The following TEAD1 variants were observed in gnomAD, a reference collection of about 807,000 sequenced individuals.
TEAD1 encodes transcriptional enhancer factor TEF-1.
In TEAD1, 9 loss-of-function variants were observed where a neutral mutation model predicts 54.9. That is an observed-to-expected ratio of 0.16 (90% CI 0.10 to 0.29). TEAD1 has a LOEUF of 0.29. Among genes scored for constraint, TEAD1 ranks in the 10% least tolerant of loss-of-function variants. The pLI is 1.00. For missense variants in TEAD1, 387 were observed against 535.9 expected, an observed-to-expected ratio of 0.72 and a Z score of 2.74; for synonymous variants, 200 against 187.8, an observed-to-expected ratio of 1.07 and a Z score of -0.53.
intron 3 of TEAD1, among the ~76,000 whole-genome samples, chr11:12,810,126 G>A (rs922584355): frequency 5.3e-5 from 8 of 151,782 alleles, no homozygotes; most frequent in African/African-American, 1.7e-4. Flanking sequence ...GACTATAGGC[G>A]CACACCACCA....
chr11:12,925,157 T>C (rs1948883667), intron 11 of TEAD1, 105 bp downstream of exon 11: 1 of 1,312,100 alleles, frequency 7.6e-7, no homozygotes, highest in Admixed American at 1.8e-5. Context: ...GTCTGCTTCT[T>C]ACCTTCTGTA....
intron 2 of TEAD1, among the ~76,000 whole-genome samples, chr11:12,677,615 C>T (rs1943124824): frequency 6.6e-6 from 1 of 152,150 alleles, no homozygotes; most frequent in Admixed American, 6.5e-5. Flanking sequence ...ATTATGAGGG[C>T]ATTTCTTAAC....
chr11:12,866,333 C>G (rs1947616150), intron 5 of TEAD1, among the ~76,000 whole-genome samples: 1 of 152,150 alleles, frequency 6.6e-6, no homozygotes, highest in Admixed American at 6.5e-5. Context: ...ATGAATTGCT[C>G]TATTTCTGCA....
At chr11:12,764,042 A>G (rs917014450) in intron 2 of TEAD1, 137 bp from the exon 3 acceptor site, 4 of 630,222 alleles carry the variant, frequency 6.3e-6, no homozygotes, top group African/African-American at 3.7e-5. Context: ...ACCCAAAACC[A>G]TGTGTATCCC....
intron 2 of TEAD1, among the ~76,000 whole-genome samples, chr11:12,706,817 G>C (rs1367330417): frequency 6.6e-6 from 1 of 152,310 alleles, no homozygotes; most frequent in Non-Finnish European, 1.5e-5. Context: ...AGCTTGGGCA[G>C]TGGGGGTGAT....
rs1405482351 is a variant in TEAD1 at position 12,737,281 on chromosome 11, T to A, written c.-54-26898T>A. Among the ~76,000 whole-genome samples, 5 of 148,050 alleles carry A rather than the reference T, an allele frequency of 3.4e-5. No individual in the cohort carries two copies. In the Admixed American group the frequency reaches 3.4e-4, roughly 10 times the overall value. ...TACATCCCTATCTTTGCAGTTCACA[T>A]AAGTCCTTAATAAGGATGGTATGAC... On this transcript the variant is annotated intron_variant, in intron 2 of 12. Coordinates refer to ENST00000527636, the MANE Select transcript of TEAD1 (RefSeq NM_021961.6).
In TEAD1 at chr11:12,855,947, T is replaced by TAAA. The variant is rs34579028; in HGVS notation, c.203-6290_203-6288dup. Among the ~76,000 whole-genome samples the TAAA allele has an allele frequency of 9.3e-5, 13 of 139,350 alleles. No individual in the cohort carries two copies. In the East Asian group the frequency reaches 1.5e-3, roughly 16 times the overall value. The allele number at this position is 139,350 out of a possible 152,430, so 91.4% of individuals were successfully genotyped here. On this transcript the variant is annotated intron_variant, in intron 3 of 12. Coordinates refer to ENST00000527636, the MANE Select transcript of TEAD1 (RefSeq NM_021961.6). The stretch of plus-strand genomic sequence containing the variant: ...TGGGCAACAGAGCTAGACCTTGTCT[T>TAAA]AAAAAAAAAAAAAAAGGAGTGGTGG...
At chr11:12,694,788 G>A (rs538807025) in intron 2 of TEAD1, among the ~76,000 whole-genome samples, 1 of 152,224 alleles carries the variant, frequency 6.6e-6, no homozygotes, top group South Asian at 2.1e-4. Context: ...TGAGAAAATG[G>A]GACTGAAATG....
At chr11:12,742,640 G>C (rs1944669871) in intron 2 of TEAD1, among the ~76,000 whole-genome samples, 1 of 152,036 alleles carries the variant, frequency 6.6e-6, no homozygotes, top group Non-Finnish European at 1.5e-5. Context: ...TCATCAGATT[G>C]GATCATTCCA....
intron 8 of TEAD1, among the ~76,000 whole-genome samples, chr11:12,882,600 G>A (rs1947995821): frequency 6.6e-6 from 1 of 152,304 alleles, no homozygotes; most frequent in Admixed American, 6.5e-5. Flanking sequence ...TATAGTGCTA[G>A]TGACCACAGT....
At chr11:12,813,356 C>G (rs1564948982) in intron 3 of TEAD1, among the ~76,000 whole-genome samples, 1 of 152,144 alleles carries the variant, frequency 6.6e-6, no homozygotes, top group African/African-American at 2.4e-5. Context: ...CTCAAGTGAG[C>G]CAAATTAGGG....
At chr11:12,859,659 T>A (rs1310720511) in intron 3 of TEAD1, among the ~76,000 whole-genome samples, 1 of 152,194 alleles carries the variant, frequency 6.6e-6, no homozygotes, top group East Asian at 1.9e-4. Context: ...AAAACTGAAT[T>A]TAGAGGTTCT....
At chr11:12,743,783 T>A (rs989114740) in intron 2 of TEAD1, among the ~76,000 whole-genome samples, 2 of 152,156 alleles carry the variant, frequency 1.3e-5, no homozygotes, top group African/African-American at 4.8e-5. Context: ...TGAAAATATT[T>A]AACAGCCAGT....
intron 10 of TEAD1, among the ~76,000 whole-genome samples, chr11:12,921,538 C>CA (rs10684810): frequency 0.19 from 24,762 of 130,656 alleles, 2,568 homozygotes; most frequent in East Asian, 0.4. Flanking sequence ...AACTCCATCT[C>CA]AAAAAAAAAA....
chr11:12,904,714 A>G (rs1329322461), intron 10 of TEAD1: 1 of 158,940 alleles, frequency 6.3e-6, no homozygotes, highest in Non-Finnish European at 1.4e-5. Flanking sequence ...CTTAAAATGA[A>G]TGAATATTTT....
intron 3 of TEAD1, among the ~76,000 whole-genome samples, chr11:12,860,587 C>G (rs1200619248): frequency 6.6e-6 from 1 of 152,192 alleles, no homozygotes; most frequent in African/African-American, 2.4e-5. Context: ...TAGGGAAGAT[C>G]TGGGGGATAT....
chr11:12,724,894 T>C (rs1944284499), intron 2 of TEAD1, among the ~76,000 whole-genome samples: 1 of 152,210 alleles, frequency 6.6e-6, no homozygotes, highest in Admixed American at 6.5e-5. Flanking sequence ...GCGAGGCCTG[T>C]GCTTCCGGGG....
At chr11:12,886,201 C>T (rs117855517) in intron 9 of TEAD1, among the ~76,000 whole-genome samples, 3,795 of 152,272 alleles carry the variant, frequency 0.025, 79 homozygotes, top group South Asian at 0.046. Flanking sequence ...TTTGGAAAGT[C>T]AAGGCCCACT....
chr11:12,804,912 G>C (rs575650745), intron 3 of TEAD1, among the ~76,000 whole-genome samples: 52 of 152,296 alleles, frequency 3.4e-4, no homozygotes, highest in African/African-American at 1.2e-3. Context: ...GGTGGATGTG[G>C]GAGTGGTAGT....
Sources: gnomAD v4.1 joint callset for allele counts (sites outside exome capture counted in the v4.1 genomes callset) on GRCh38, gnomAD v4.1.1 for gene constraint, MANE v1.5 for transcripts, NCBI Gene and HGNC (gene_info 2026-07-23, HGNC 2026-07-21) for gene names.